HIBADH: variants seen among roughly 807,000 people sequenced by gnomAD.
HIBADH encodes the protein 3-hydroxyisobutyrate dehydrogenase, mitochondrial.
Under a neutral mutation model 36.1 loss-of-function variants are expected in HIBADH, and 25 were observed. That is an observed-to-expected ratio of 0.69 (90% CI 0.50 to 0.97). The LOEUF (loss-of-function observed/expected upper bound fraction) is 0.97, where lower values mean the gene tolerates loss of function less well. Ranked by LOEUF, HIBADH falls within the 50% of genes least tolerant of loss-of-function variation. The pLI is 0.00. For missense variants in HIBADH, 421 were observed against 418.0 expected, an observed-to-expected ratio of 1.01 and a Z score of -0.06; for synonymous variants, 160 against 149.5, an observed-to-expected ratio of 1.07 and a Z score of -0.51.
rs1027501558 is a variant in HIBADH, at chr7:27,656,202, C to T, written c.91+6496G>A. Among the ~76,000 whole-genome samples the T allele has an allele frequency of 4.6e-5, 7 of 152,160 alleles. No homozygotes were observed. In the East Asian group the frequency reaches 1.4e-3, roughly 29 times the overall value. ...CAAACAAATGGGTATGGCTGTGTTC[C>T]AATACAATTTTATTTACAAACAAGG... On this transcript the variant is annotated intron_variant, in intron 1 of 7. Transcript: ENST00000265395.
At chr7:27,649,965 T>C (rs1484058301) in intron 1 of HIBADH, among the ~76,000 whole-genome samples, 1 of 152,034 alleles carries the variant, frequency 6.6e-6, no homozygotes, top group African/African-American at 2.4e-5. Context: ...TTATCAACAA[T>C]GTGCAGGCAG....
At chr7:27,652,808 C>T (rs1182638468) in intron 1 of HIBADH, among the ~76,000 whole-genome samples, 2 of 152,058 alleles carry the variant, frequency 1.3e-5, no homozygotes, top group African/African-American at 2.4e-5. Flanking sequence ...CCCAAAGGGC[C>T]TAGCTCCTAA....
intron 4 of HIBADH, among the ~76,000 whole-genome samples, chr7:27,613,504 G>A (rs1160960152): frequency 6.6e-6 from 1 of 151,560 alleles, no homozygotes; most frequent in Non-Finnish European, 1.5e-5. Flanking sequence ...AATTCCACTG[G>A]TTCCCCCCAG....
chr7:27,646,331 T>C (rs1031951194), intron 2 of HIBADH, among the ~76,000 whole-genome samples: 1 of 152,124 alleles, frequency 6.6e-6, no homozygotes, highest in African/African-American at 2.4e-5. Flanking sequence ...AAAAATGTCT[T>C]TCACATTAAT....
chr7:27,525,527 T>C lies in HIBADH; in HGVS notation c.*687A>G, dbSNP rs1202887014. 6.6e-6 allele frequency: 1 copy of C among 152,190 alleles called. No individual in the cohort carries two copies. Among genetic ancestry groups the C allele is most frequent in the African/African-American group, 2.4e-5 (1 of 41,444 alleles). 9.4% of individuals were successfully genotyped at this position (152,190 alleles called of 1,614,324 possible). ...TAATTATCTAAAGCAAATATCATCA[T>C]TGGCTCTGAAATGCATCTAAAGATG... On this transcript the variant is annotated 3_prime_UTR_variant, in exon 8 of 8. Transcript: ENST00000265395.
chr7:27,661,335 T>C (rs577869182), intron 1 of HIBADH, among the ~76,000 whole-genome samples: 6 of 152,256 alleles, frequency 3.9e-5, no homozygotes, highest in African/African-American at 1.4e-4. Flanking sequence ...CCACAGTGGT[T>C]CATGCCTATA....
chr7:27,564,975 T>C (rs889232823), intron 4 of HIBADH, among the ~76,000 whole-genome samples: 3 of 152,200 alleles, frequency 2.0e-5, no homozygotes, highest in Non-Finnish European at 2.9e-5. Context: ...TTGCTGATCC[T>C]GGAGAGACTA....
intron 1 of HIBADH, among the ~76,000 whole-genome samples, chr7:27,657,185 T>C (rs1786322243): frequency 6.6e-6 from 1 of 151,972 alleles, no homozygotes; most frequent in Non-Finnish European, 1.5e-5. Context: ...AAGTGACAGC[T>C]GGGGAAAGGC....
rs528318535 is a variant in HIBADH, at chr7:27,609,911, A to G, written c.484+19460T>C. 2.0e-5 allele frequency among the ~76,000 whole-genome samples: 3 copies of G among 151,998 alleles called. No homozygotes were observed. The East Asian group carries it at 5.8e-4, about 30-fold the overall frequency. Reference sequence around the variant, plus strand: ...GGCTCACTGCGACCTCAGCCTCCCAAGTTCAAGCGATTCTCCTGCCTCAGC... The same window carrying G: ...GGCTCACTGCGACCTCAGCCTCCCAGGTTCAAGCGATTCTCCTGCCTCAGC... On this transcript the variant is annotated intron_variant, in intron 4 of 7. Coordinates refer to ENST00000265395, the MANE Select transcript of HIBADH (RefSeq NM_152740.4).
At chr7:27,614,837 G>A (rs1417510591) in intron 4 of HIBADH, among the ~76,000 whole-genome samples, 1 of 152,172 alleles carries the variant, frequency 6.6e-6, no homozygotes, top group Non-Finnish European at 1.5e-5. Flanking sequence ...AATCAGGAAA[G>A]ACCCCAAAAA....
intron 4 of HIBADH, among the ~76,000 whole-genome samples, chr7:27,610,936 T>C (rs1346488324): frequency 3.9e-5 from 6 of 152,146 alleles, no homozygotes; most frequent in Non-Finnish European, 5.9e-5. Context: ...GCCTGCATGG[T>C]TGATTTTAAA....
intron 2 of HIBADH, among the ~76,000 whole-genome samples, chr7:27,638,746 C>T (rs1344147872): frequency 6.6e-6 from 1 of 151,914 alleles, no homozygotes; most frequent in African/African-American, 2.4e-5. Context: ...AATCAACAAG[C>T]AAAAACCAAA....
intron 7 of HIBADH, among the ~76,000 whole-genome samples, chr7:27,530,459 G>A (rs1583554744): frequency 6.6e-6 from 1 of 151,876 alleles, no homozygotes; most frequent in South Asian, 2.1e-4. Flanking sequence ...TGCCCTCCTC[G>A]GCCTCCCAAA....
At chr7:27,623,943 G>A (rs532612931) in intron 4 of HIBADH, among the ~76,000 whole-genome samples, 3 of 152,252 alleles carry the variant, frequency 2.0e-5, no homozygotes, top group East Asian at 3.9e-4. Context: ...GACAACAGGC[G>A]CATGCCACCG....
intron 2 of HIBADH, among the ~76,000 whole-genome samples, chr7:27,637,990 C>T (rs1008733915): frequency 6.6e-5 from 10 of 152,104 alleles, no homozygotes; most frequent in Admixed American, 2.0e-4. Context: ...GTTAAAATGG[C>T]CATATTGCCC....
At chr7:27,591,530 G>A (rs561952522) in intron 4 of HIBADH, among the ~76,000 whole-genome samples, 46 of 145,814 alleles carry the variant, frequency 3.2e-4, no homozygotes, top group African/African-American at 1.1e-3. Flanking sequence ...CAGCCTGGGC[G>A]ACAGAGCGAG....
At chr7:27,621,901 G>C (rs1169690044) in intron 4 of HIBADH, among the ~76,000 whole-genome samples, 2 of 152,104 alleles carry the variant, frequency 1.3e-5, no homozygotes, top group African/African-American at 4.8e-5. Flanking sequence ...GGGTGGCGGG[G>C]AAACATGCTC....
intron 5 of HIBADH, among the ~76,000 whole-genome samples, chr7:27,540,248 T>G (rs1241583677): frequency 6.6e-6 from 1 of 152,206 alleles, no homozygotes; most frequent in Non-Finnish European, 1.5e-5. Flanking sequence ...ATCAGAACCG[T>G]TCTGCCATAC....
In HIBADH at chr7:27,542,994, C is replaced by A; in HGVS notation, c.591G>T (p.Val197=). The change falls in exon 5 of 8, where the codon GTG becomes GTT. Residue 197 remains valine (V), a synonymous_variant. Coordinates refer to ENST00000265395, the MANE Select transcript of HIBADH (RefSeq NM_152740.4). ...ELLGCMGSNV[V]YCGAVGTGQA... ...GCCCAGTCCCAACAGCTCCACAGTA[C>A]ACCACGTTGGAGCCCATGCACCCCA... 3.7e-6 allele frequency: 6 copies of A among 1,613,810 alleles called. No homozygotes were observed. Among genetic ancestry groups the A allele is most frequent in the Non-Finnish European group, 5.1e-6 (6 of 1,179,840 alleles).
Sources: gnomAD v4.1 joint callset for allele counts (sites outside exome capture counted in the v4.1 genomes callset) on GRCh38, gnomAD v4.1.1 for gene constraint, MANE v1.5 for transcripts, NCBI Gene and HGNC (gene_info 2026-07-23, HGNC 2026-07-21) for gene names.